Variants in CELSR1 observed in about 807,000 individuals in gnomAD.
CELSR1 encodes the protein adhesion G protein-coupled receptor C1.
CELSR1 carries 110 observed loss-of-function variants against 249.1 expected under a neutral mutation model. The observed-to-expected ratio is 0.44, with a 90% CI of 0.38 to 0.52. CELSR1 has a LOEUF of 0.52. Ranked by LOEUF, CELSR1 falls within the 20% of genes least tolerant of loss-of-function variation. CELSR1 has a pLI of 0.00. For synonymous variants in CELSR1, 2,113 were observed against 1,900.0 expected (o/e 1.11, Z -2.92); for missense variants, 4,109 against 4,296.4 (o/e 0.96, Z 1.22).
rs968341388 is a variant in CELSR1 at position 46,399,011 on chromosome 22, G to A, written c.5413-374C>T. 5.9e-5 allele frequency among the ~76,000 whole-genome samples: 9 copies of A among 152,340 alleles called. No homozygotes were observed. Among genetic ancestry groups the A allele is most frequent in the African/African-American group, 2.2e-4 (9 of 41,590 alleles). On this transcript the variant is annotated intron_variant, in intron 10 of 34. Coordinates refer to ENST00000674500, the MANE Select transcript of CELSR1 (RefSeq NM_001378328.1). This position sits in a 1 kb window ranked among gnomAD's most constrained non-coding sequence, Gnocchi z 5.0. ...GGAAATCCGCTCACTCATTAACACTGTGGGAACCCAAGAGGGTCTCGGCTG... is the reference window on the plus strand; with the variant it reads ...GGAAATCCGCTCACTCATTAACACTATGGGAACCCAAGAGGGTCTCGGCTG...
rs78203454 is a variant in CELSR1 at position 46,417,543 on chromosome 22, G to A, written c.4612-5784C>T. Among the ~76,000 whole-genome samples, 2 of 152,002 alleles carry A rather than the reference G, an allele frequency of 1.3e-5. No individual in the cohort carries two copies. Among genetic ancestry groups the A allele is most frequent in the Non-Finnish European group, 2.9e-5 (2 of 67,970 alleles). ...CCCCCAGGGCTGTCAGCAGCAAACC[G>A]TCTGGAAGCCCAACTGAGCCACTGG... On this transcript the variant is annotated intron_variant, in intron 5 of 34. Coordinates refer to ENST00000674500, the MANE Select transcript of CELSR1 (RefSeq NM_001378328.1). The surrounding 1 kb of genome is among the most constrained non-coding windows in gnomAD (Gnocchi z 4.1).
rs2079807491 is a variant in CELSR1 at position 46,445,426 on chromosome 22, A to G, written c.4184-6015T>C. 6.6e-6 allele frequency among the ~76,000 whole-genome samples: 1 copy of G among 152,160 alleles called. No individual in the cohort carries two copies. The highest frequency in any genetic ancestry group is 1.5e-5 in the Non-Finnish European group (1 of 68,026). ...GGAGAATCTCTTGAATCCAGGAGGT[A>G]GAGATTGCGGTGAACCAAAAATTGC... On this transcript the variant is annotated intron_variant, in intron 2 of 34. Transcript: ENST00000674500. The surrounding 1 kb of genome is among the most constrained non-coding windows in gnomAD (Gnocchi z 4.4).
rs149540217 is a variant in CELSR1 at position 46,520,610 on chromosome 22, G to A, written c.3544+13017C>T. 1.5e-4 allele frequency among the ~76,000 whole-genome samples: 23 copies of A among 152,042 alleles called. No homozygotes were observed. The East Asian group carries it at 4.1e-3, about 27-fold the overall frequency. On this transcript the variant is annotated intron_variant, in intron 1 of 34. Coordinates refer to ENST00000674500, the MANE Select transcript of CELSR1 (RefSeq NM_001378328.1). ...TGAGTAGTTGGGATTACAGGCACCC[G>A]TCATCAGGCCCAGCTAATTTTTTGC...
intron 24 of CELSR1, 115 bp from the exon 25 acceptor site, chr22:46,373,172 T>C: frequency 9.1e-7 from 1 of 1,097,386 alleles, no homozygotes; most frequent in Non-Finnish European, 1.3e-6. Flanking sequence ...CCTATGTGTC[T>C]GTCCTCAGCT....
At chr22:46,439,070 ACT>A (rs2147464025) in intron 3 of CELSR1, 117 bp downstream of exon 3, 2 of 1,004,340 alleles carry the variant, frequency 2.0e-6, no homozygotes, top group East Asian at 4.8e-5. Context: ...GAGCTACTCA[ACT>A]ATCAAAGGCC....
intron 1 of CELSR1, among the ~76,000 whole-genome samples, chr22:46,533,092 G>A (rs1602249906): frequency 6.6e-6 from 1 of 152,294 alleles, no homozygotes; most frequent in East Asian, 1.9e-4. Flanking sequence ...ACACACCTAA[G>A]CCCGACTGTT....
Position 46,423,565 on chromosome 22 carries a change from T to C in CELSR1, c.4611+9828A>G, listed in dbSNP as rs904059849. 5.6e-5 allele frequency among the ~76,000 whole-genome samples: 8 copies of C among 142,148 alleles called. No homozygotes were observed. Among genetic ancestry groups the C allele is most frequent in the African/African-American group, 2.2e-4 (8 of 37,098 alleles). 93.3% of individuals were successfully genotyped at this position (142,148 alleles called of 152,430 possible). Reference sequence around the variant, plus strand: ...GGTTGCGGTGAGCCGAGATCGCGCCTTTACACTCCAGCCTGGGCAACAGGA... The same window carrying C: ...GGTTGCGGTGAGCCGAGATCGCGCCCTTACACTCCAGCCTGGGCAACAGGA... On this transcript the variant is annotated intron_variant, in intron 5 of 34. Transcript: ENST00000674500. The surrounding 1 kb of genome is among the most constrained non-coding windows in gnomAD (Gnocchi z 5.6).
At chr22:46,394,391 C>A (rs2079126838) in intron 13 of CELSR1, 129 bp from the exon 14 acceptor site, 1 of 1,083,370 alleles carries the variant, frequency 9.2e-7, no homozygotes. Context: ...GGGAGCTTCC[C>A]CTTCCACGTT....
Position 46,439,922 on chromosome 22 carries a change from G to A in CELSR1, c.4184-511C>T, listed in dbSNP as rs188278087. ...GAGCAGGCCACCTGCCCTGACTGCC[G>A]TCCGCCCTCCCACCCCTCACACAGA... On this transcript the variant is annotated intron_variant, in intron 2 of 34. Transcript: ENST00000674500. Among the ~76,000 whole-genome samples the A allele has an allele frequency of 1.7e-3, 259 of 150,404 alleles. 3 individuals are homozygous for A. Among genetic ancestry groups the A allele is most frequent in the East Asian group, 1.5e-3 (8 of 5,174 alleles).
rs749635154 is a variant in CELSR1 at position 46,463,688 on chromosome 22, G to A, written c.4183+19C>T. ...CCTGGGGACATGTACACAAAGCCAG[G>A]GTGAGCCCGGGCACCTACCAGTGAA... is the stretch of plus-strand genomic sequence containing the variant. On this transcript the variant is annotated intron_variant, in intron 2 of 34. Coordinates refer to ENST00000674500, the MANE Select transcript of CELSR1 (RefSeq NM_001378328.1). 18 of 1,503,058 alleles carry A rather than the reference G, an allele frequency of 1.2e-5. No individual in the cohort carries two copies. The Admixed American group carries it at 4.2e-4, about 35-fold the overall frequency. The allele number at this position is 1,503,058 out of a possible 1,614,324, so 93.1% of individuals were successfully genotyped here. A position where few individuals can be genotyped will look rare whatever the true frequency, so the allele number is the denominator to read the frequency against.
chr22:46,488,090 G>A lies in CELSR1; in HGVS notation c.3545-23745C>T, dbSNP rs2147688708. ...TGAGGGAGGGGTGTCAAGTACCAGT[G>A]GAGGCACGGGGAGGGGTCCTGCCCT... is the stretch of plus-strand genomic sequence containing the variant. On this transcript the variant is annotated intron_variant, in intron 1 of 34. Transcript: ENST00000674500. The surrounding 1 kb of genome is among the most constrained non-coding windows in gnomAD (Gnocchi z 4.7). 6.6e-6 allele frequency among the ~76,000 whole-genome samples: 1 copy of A among 151,818 alleles called. No homozygotes were observed. The highest frequency in any genetic ancestry group is 2.1e-4 in the South Asian group (1 of 4,796).
Position 46,363,000 on chromosome 22 carries a change from G to T in CELSR1, c.*223C>A. On this transcript the variant is annotated 3_prime_UTR_variant, in exon 35 of 35. Transcript: ENST00000674500. ...TGTGGCCTTTGGCACTTGTCACCAGGTCTGACAGGCCCTGAGCTCCTGGGA... is the reference window on the plus strand; with the variant it reads ...TGTGGCCTTTGGCACTTGTCACCAGTTCTGACAGGCCCTGAGCTCCTGGGA... The T allele has an allele frequency of 1.2e-6, 1 of 861,732 alleles. No individual in the cohort carries two copies. Among genetic ancestry groups the T allele is most frequent in the Non-Finnish European group, 1.8e-6 (1 of 555,832 alleles). The allele number at this position is 861,732 out of a possible 1,614,324, so 53.4% of individuals were successfully genotyped here.
At chr22:46,528,938 TAA>T (rs1322980256) in intron 1 of CELSR1, among the ~76,000 whole-genome samples, 1 of 138,246 alleles carries the variant, frequency 7.2e-6, no homozygotes, top group African/African-American at 2.7e-5. Context: ...CAAAATAAAA[TAA>T]AATAAAATAA....
rs771214806 is a variant in CELSR1, at chr22:46,534,285, G to C, written c.2886C>G (p.Ala962=). Residue 962 remains alanine, a synonymous_variant, in exon 1 of 35, where the codon GCC becomes GCG. Transcript: ENST00000674500. The surrounding 1 kb of genome is among the most constrained non-coding windows in gnomAD (Gnocchi z 9.7). ...TQRRLDRENV[A]VYNLWALAVD... ...CAGCCAGAGCCCAAAGGTTGTACAC[G>C]GCCACATTCTCCCGGTCCAGCCGGC... is the stretch of plus-strand genomic sequence containing the variant. 1.2e-6 allele frequency: 2 copies of C among 1,613,252 alleles called. No homozygotes were observed. Among genetic ancestry groups the C allele is most frequent in the Non-Finnish European group, 1.7e-6 (2 of 1,179,982 alleles).
Position 46,409,978 on chromosome 22 carries a change from G to C in CELSR1, c.4934-98C>G, listed in dbSNP as rs1013516898. 1.3e-6 allele frequency: 2 copies of C among 1,519,218 alleles called. No individual in the cohort carries two copies. Among genetic ancestry groups the C allele is most frequent in the Non-Finnish European group, 1.8e-6 (2 of 1,117,280 alleles). The allele number at this position is 1,519,218 out of a possible 1,614,324, so 94.1% of individuals were successfully genotyped here. The stretch of plus-strand genomic sequence containing the variant: ...TGGGAAACCAGGACGGAATGGACCC[G>C]GGGCTGGACAGAAGTCAGACCAGGT... On this transcript the variant is annotated intron_variant, in intron 7 of 34. Transcript: ENST00000674500. The surrounding 1 kb of genome is among the most constrained non-coding windows in gnomAD (Gnocchi z 9.8).
intron 1 of CELSR1, 79 bp downstream of exon 1, chr22:46,533,548 G>C: frequency 1.3e-6 from 2 of 1,494,240 alleles, no homozygotes; most frequent in Non-Finnish European, 1.8e-6. Context: ...CGGCATGCCA[G>C]GCGGAGCCCT....
intron 9 of CELSR1, among the ~76,000 whole-genome samples, chr22:46,400,375 G>A (rs539665175): frequency 1.3e-5 from 2 of 151,202 alleles, no homozygotes; most frequent in East Asian, 3.9e-4. Context: ...CAGTGGCTCA[G>A]GCCTTTAATC....
At chr22:46,387,226 C>T (rs1306607137) in intron 18 of CELSR1, among the ~76,000 whole-genome samples, 10 of 151,992 alleles carry the variant, frequency 6.6e-5, no homozygotes, top group South Asian at 6.2e-4. Flanking sequence ...GTTTGCTAGC[C>T]GAACAATTGA....
rs979205001 is a variant in CELSR1 at position 46,439,177 on chromosome 22, A to G, written c.4406+12T>C. 43 of 1,607,668 alleles carry G rather than the reference A, an allele frequency of 2.7e-5. 1 individual carries two copies. Among genetic ancestry groups the G allele is most frequent in the East Asian group, 2.2e-5 (1 of 44,752 alleles). ...AGAGACCCCCGTGTGGCGCGGCGGG[A>G]CGCACACTCACGTGAGGGAGATGGT... On this transcript the variant is annotated intron_variant, in intron 3 of 34. Transcript: ENST00000674500.
Sources: gnomAD v4.1 joint callset for allele counts (sites outside exome capture counted in the v4.1 genomes callset) on GRCh38, gnomAD v4.1.1 for gene constraint, Gnocchi (gnomAD v3.1) non-coding constraint, MANE v1.5 for transcripts, NCBI Gene and HGNC (gene_info 2026-07-23, HGNC 2026-07-21) for gene names.